Variants in AFF1 observed in about 807,000 individuals in gnomAD.
AFF1 encodes the protein AF4/FMR2 family member 1.
Under a neutral mutation model 121.7 loss-of-function variants are expected in AFF1, and 48 were observed. The ratio of observed to expected loss-of-function variants is 0.39; its 90% confidence interval spans 0.31 to 0.50. The LOEUF (loss-of-function observed/expected upper bound fraction) is 0.50, where lower values mean the gene tolerates loss of function less well. Ranked by LOEUF, AFF1 falls within the 20% of genes least tolerant of loss-of-function variation. The pLI, the probability that AFF1 is intolerant of heterozygous loss-of-function variation, is 0.76. For synonymous variants in AFF1, 613 were observed against 563.0 expected (o/e 1.09, Z -1.26); for missense variants, 1,523 against 1,511.7 (o/e 1.01, Z -0.12).
chr4:87,069,845 G>A (rs1464365717), intron 4 of AFF1, among the ~76,000 whole-genome samples: 1 of 140,494 alleles, frequency 7.1e-6, no homozygotes, highest in Non-Finnish European at 1.5e-5. Flanking sequence ...TTGAGACGGA[G>A]TCTCACTCTG....
In AFF1 at chr4:87,046,969, C is replaced by T. The variant is rs1730759642; in HGVS notation, c.434C>T (p.Pro145Leu). ...AGCCACAATCCAAAGATGGCGCAGC[C>T]AAGAACTGAACCAATGCCAAGTCTC... ...NISHNPKMAQ[P>L]RTEPMPSLHA... The change falls in exon 4 of 21, where the codon CCA (proline) becomes CTA (leucine). Residue 145 changes from proline to leucine, a missense_variant. Physicochemically the swap from Pro to Leu is moderately conservative, Grantham distance 98. Coordinates refer to ENST00000395146, the MANE Select transcript of AFF1 (RefSeq NM_001166693.3). The T allele has an allele frequency of 6.2e-7, 1 of 1,614,226 alleles. No individual in the cohort carries two copies. Among genetic ancestry groups the T allele is most frequent in the Non-Finnish European group, 8.5e-7 (1 of 1,180,042 alleles).
intron 2 of AFF1, among the ~76,000 whole-genome samples, chr4:86,949,381 C>T (rs903287921): frequency 6.6e-6 from 1 of 150,552 alleles, no homozygotes; most frequent in African/African-American, 2.4e-5. Context: ...TCCCAAAGTG[C>T]TGGAATTACA....
chr4:86,952,404 G>A (rs1402390029), intron 2 of AFF1, among the ~76,000 whole-genome samples: 1 of 152,124 alleles, frequency 6.6e-6, no homozygotes, highest in Non-Finnish European at 1.5e-5. Flanking sequence ...TTTCAAAAAG[G>A]TTTAGTTACT....
rs1162927715 is a variant in AFF1, at chr4:87,039,736, G to A, written c.39-6430G>A. Among the ~76,000 whole-genome samples the A allele has an allele frequency of 4.6e-5, 7 of 152,110 alleles. No individual in the cohort carries two copies. In the South Asian group the frequency reaches 1.2e-3, roughly 27 times the overall value. On this transcript the variant is annotated intron_variant, in intron 2 of 20. Coordinates refer to ENST00000395146, the MANE Select transcript of AFF1 (RefSeq NM_001166693.3). ...GTGGACAGTAGTATATGATCTGAAG[G>A]CAAGAACTTGGCTACTGAAAGGAGA...
At chr4:87,115,358 G>A (rs754028652) in intron 12 of AFF1, 59 bp downstream of exon 12, 5 of 1,445,160 alleles carry the variant, frequency 3.5e-6, no homozygotes, top group African/African-American at 2.9e-5. Context: ...TTGGCCTGGC[G>A]GTATCTTTGA....
chr4:87,053,029 G>C (rs1731427220), intron 4 of AFF1, among the ~76,000 whole-genome samples: 1 of 152,162 alleles, frequency 6.6e-6, no homozygotes, highest in Non-Finnish European at 1.5e-5. Context: ...AATGTATCCA[G>C]GTAGAGATGA....
intron 1 of AFF1, among the ~76,000 whole-genome samples, chr4:86,938,496 A>G (rs1720215752): frequency 6.6e-6 from 1 of 150,400 alleles, no homozygotes; most frequent in African/African-American, 2.4e-5. Flanking sequence ...TGTATTTACC[A>G]TAAATATACA....
intron 2 of AFF1, among the ~76,000 whole-genome samples, chr4:86,973,671 T>C (rs1488446426): frequency 6.6e-6 from 1 of 152,176 alleles, no homozygotes. Context: ...TCAGCAAATG[T>C]TTATTATGAG....
chr4:87,136,324 C>A lies in AFF1; in HGVS notation c.*623C>A, dbSNP rs898332783. The A allele has an allele frequency of 4.3e-6, 1 of 232,238 alleles. No homozygotes were observed. The highest frequency in any genetic ancestry group is 8.5e-6 in the Non-Finnish European group (1 of 117,464). 14.4% of individuals were successfully genotyped at this position (232,238 alleles called of 1,614,324 possible). On this transcript the variant is annotated 3_prime_UTR_variant, in exon 21 of 21. Coordinates refer to ENST00000395146, the MANE Select transcript of AFF1 (RefSeq NM_001166693.3). ...TTGTAATTTATAAAATTGAAGGCAA[C>A]CCCCGCTCCTGCCGCCCCCAATCTC...
intron 2 of AFF1, among the ~76,000 whole-genome samples, chr4:86,953,259 T>C (rs1461039955): frequency 6.6e-6 from 1 of 152,210 alleles, no homozygotes; most frequent in African/African-American, 2.4e-5. Flanking sequence ...GCTCTATTTT[T>C]AATACACACC....
intron 2 of AFF1, among the ~76,000 whole-genome samples, chr4:86,950,356 A>G (rs769913265): frequency 1.3e-5 from 2 of 152,140 alleles, no homozygotes; most frequent in Non-Finnish European, 2.9e-5. Flanking sequence ...TTTTTGGTAG[A>G]GACGGGGTTT....
intron 2 of AFF1, among the ~76,000 whole-genome samples, chr4:86,993,338 C>T (rs1724876164): frequency 6.6e-6 from 1 of 152,168 alleles, no homozygotes; most frequent in South Asian, 2.1e-4. Context: ...ATCATTGTGG[C>T]TTGCCTATAT....
At chr4:86,984,713 A>T (rs2149494905) in intron 2 of AFF1, among the ~76,000 whole-genome samples, 1 of 152,206 alleles carries the variant, frequency 6.6e-6, no homozygotes, top group South Asian at 2.1e-4. Flanking sequence ...AGGTGGGAGG[A>T]TTGCTTGTGT....
chr4:86,944,427 C>T (rs1720700143), intron 1 of AFF1, among the ~76,000 whole-genome samples: 2 of 151,276 alleles, frequency 1.3e-5, no homozygotes, highest in Admixed American at 6.6e-5. Context: ...AGTGCAGTGG[C>T]GCGATCTCAG....
At chr4:87,107,283 A>T (rs999421874) in intron 10 of AFF1, among the ~76,000 whole-genome samples, 1 of 152,248 alleles carries the variant, frequency 6.6e-6, no homozygotes, top group African/African-American at 2.4e-5. Context: ...GATTATAGTT[A>T]ATGACTTATT....
intron 2 of AFF1, among the ~76,000 whole-genome samples, chr4:86,998,013 G>A (rs1325759151): frequency 2.1e-5 from 3 of 144,750 alleles, no homozygotes; most frequent in African/African-American, 5.1e-5. Context: ...CAGGAGAATC[G>A]CTTGAACCCA....
chr4:87,099,199 A>G (rs1047829180), intron 8 of AFF1, among the ~76,000 whole-genome samples: 2 of 152,200 alleles, frequency 1.3e-5, no homozygotes, highest in African/African-American at 4.8e-5. Flanking sequence ...TTGCTGATAA[A>G]TATTATGGAA....
At chr4:87,100,348 T>A (rs342454) in intron 8 of AFF1, among the ~76,000 whole-genome samples, 86,804 of 151,814 alleles carry the variant, frequency 0.57, 25,169 homozygotes, top group Middle Eastern at 0.69. Flanking sequence ...TACCACGGCC[T>A]GTCCCTGACA....
chr4:87,103,838 C>CA (rs1318886391), intron 8 of AFF1, among the ~76,000 whole-genome samples: 2 of 152,164 alleles, frequency 1.3e-5, no homozygotes, highest in East Asian at 3.8e-4. Context: ...TAAGGCAAAT[C>CA]AGTTTTATTC....
Sources: allele counts gnomAD v4.1 joint callset (sites outside exome capture counted in the v4.1 genomes callset), GRCh38; gene constraint gnomAD v4.1.1; transcripts MANE v1.5; gene names NCBI Gene and HGNC (gene_info 2026-07-23, HGNC 2026-07-21).